MICAL3: variants seen among roughly 807,000 people sequenced by gnomAD.
MICAL3 encodes microtubule associated monooxygenase, calponin and LIM domain containing 3, also known as [F-actin]-monooxygenase MICAL3.
A neutral mutation model predicts 207.4 loss-of-function variants in MICAL3; 62 were observed. The ratio of observed to expected loss-of-function variants is 0.30; its 90% CI spans 0.24 to 0.37. The LOEUF is 0.37. Ranked by LOEUF, MICAL3 falls within the 10% of genes least tolerant of loss-of-function variation. The pLI, the probability that MICAL3 is intolerant of heterozygous loss-of-function variation, is 1.00. For missense variants in MICAL3, 2,368 were observed against 2,635.6 expected (o/e 0.90, Z 2.22); for synonymous variants, 1,077 against 1,069.3 (o/e 1.01, Z -0.14).
chr22:17,924,620 C>T (rs1413193222), intron 1 of MICAL3, among the ~76,000 whole-genome samples: 1 of 152,036 alleles, frequency 6.6e-6, no homozygotes, highest in African/African-American at 2.4e-5. Flanking sequence ...ATTCTAAAAC[C>T]TGAAAAAAAT....
At chr22:17,867,967 T>A (rs1413696093) in intron 17 of MICAL3, among the ~76,000 whole-genome samples, 1 of 152,246 alleles carries the variant, frequency 6.6e-6, no homozygotes, top group Non-Finnish European at 1.5e-5. Context: ...AACTGAATCC[T>A]CCTTGAACTC....
rs200631704 is a variant in MICAL3, at chr22:17,822,933, G to C, written c.3307+14C>G. ...TGAGCTCCCACCACAGGGGCGGGGA[G>C]GGCGGACCCCTACCATCATCCAGCT... is the stretch of plus-strand genomic sequence containing the variant. On this transcript the variant is annotated intron_variant, in intron 23 of 31. Coordinates refer to ENST00000441493, the MANE Select transcript of MICAL3 (RefSeq NM_015241.3). The C allele has an allele frequency of 3.2e-6, 5 of 1,561,514 alleles. No individual in the cohort carries two copies. In the African/African-American group the frequency reaches 6.8e-5, roughly 21 times the overall value.
chr22:17,949,527 C>G (rs1464806123), intron 1 of MICAL3, among the ~76,000 whole-genome samples: 1 of 152,196 alleles, frequency 6.6e-6, no homozygotes, highest in African/African-American at 2.4e-5. Flanking sequence ...GGTGCCTTAC[C>G]TGGTGGATTC....
chr22:17,872,976 G>A (rs1219673111), intron 16 of MICAL3: 2 of 697,220 alleles, frequency 2.9e-6, no homozygotes, highest in Non-Finnish European at 5.1e-6. Flanking sequence ...AATACAAGGT[G>A]CAGCAGCAAA....
intron 1 of MICAL3, among the ~76,000 whole-genome samples, chr22:17,941,242 C>T (rs1470568116): frequency 6.6e-6 from 1 of 152,190 alleles, no homozygotes; most frequent in African/African-American, 2.4e-5. Context: ...AGACCCCTGC[C>T]CAAAGAGATT....
rs560227104 is a variant in MICAL3, at chr22:17,789,652, C to A, written c.*1080G>T. 1 of 152,370 alleles carries A rather than the reference C, an allele frequency of 6.6e-6. No homozygotes were observed. The highest frequency in any genetic ancestry group is 1.5e-5 in the Non-Finnish European group (1 of 68,076). 9.4% of individuals were successfully genotyped at this position (152,370 alleles called of 1,614,324 possible). On this transcript the variant is annotated 3_prime_UTR_variant, in exon 32 of 32. Coordinates refer to ENST00000441493, the MANE Select transcript of MICAL3 (RefSeq NM_015241.3). Reference sequence around the variant, plus strand: ...CCTGATGCCAGCCAGGCCAGTGATACGAAGAGAAAGGCTAATAAATAGATG... The same window carrying A: ...CCTGATGCCAGCCAGGCCAGTGATAAGAAGAGAAAGGCTAATAAATAGATG...
intron 25 of MICAL3, among the ~76,000 whole-genome samples, 191 bp downstream of exon 25, chr22:17,821,236 G>A (rs1397655296): frequency 6.6e-6 from 1 of 151,968 alleles, no homozygotes; most frequent in Non-Finnish European, 1.5e-5. Flanking sequence ...GGCCACTCCT[G>A]TCATCAACAG....
intron 1 of MICAL3, among the ~76,000 whole-genome samples, chr22:18,018,941 C>T (rs748301021): frequency 2.2e-4 from 34 of 152,234 alleles, no homozygotes; most frequent in Non-Finnish European, 4.6e-4. Flanking sequence ...CCTATAATAC[C>T]AGTACTTTGG....
intron 16 of MICAL3, chr22:17,879,216 G>C: frequency 1.5e-6 from 1 of 674,830 alleles, no homozygotes. Context: ...CTCTTGGCTG[G>C]GTGACAAGAG....
chr22:18,010,742 AAAG>A (rs1486537437), intron 1 of MICAL3, among the ~76,000 whole-genome samples: 1 of 152,156 alleles, frequency 6.6e-6, no homozygotes, highest in Non-Finnish European at 1.5e-5. Flanking sequence ...GGAGGGTTAG[AAAG>A]AAGGAGAATT....
intron 16 of MICAL3, among the ~76,000 whole-genome samples, chr22:17,877,155 G>T (rs1928687272): frequency 4.9e-5 from 7 of 141,876 alleles, no homozygotes; most frequent in Non-Finnish European, 6.1e-5. Context: ...GGAGGTTAGG[G>T]AGGTTATGGA....
At chr22:17,867,919 T>A (rs1374016972) in intron 17 of MICAL3, among the ~76,000 whole-genome samples, 1 of 152,248 alleles carries the variant, frequency 6.6e-6, no homozygotes, top group Non-Finnish European at 1.5e-5. Flanking sequence ...TTTGCAAAAG[T>A]GGAAACCCAG....
rs535291657 is a variant in MICAL3 at position 18,018,002 on chromosome 22, G to A, written c.-75+6279C>T. On this transcript the variant is annotated intron_variant, in intron 1 of 31. Coordinates refer to ENST00000441493, the MANE Select transcript of MICAL3 (RefSeq NM_015241.3). ...CCTGACCTCGTGATCCACCTGCCTC[G>A]GCCTCCCACAGTGCTGGGATTACAG... Among the ~76,000 whole-genome samples the A allele has an allele frequency of 7.9e-5, 12 of 151,632 alleles. No individual in the cohort carries two copies. The East Asian group carries it at 9.8e-4, about 12-fold the overall frequency.
At chr22:17,919,471 C>T (rs1272896052) in intron 1 of MICAL3, among the ~76,000 whole-genome samples, 1 of 152,188 alleles carries the variant, frequency 6.6e-6, no homozygotes, top group Non-Finnish European at 1.5e-5. Context: ...AGTCCCTGGA[C>T]CACAACAGGT....
intron 1 of MICAL3, among the ~76,000 whole-genome samples, chr22:17,932,339 A>C (rs1181312052): frequency 6.6e-6 from 1 of 152,230 alleles, no homozygotes; most frequent in Admixed American, 6.5e-5. Flanking sequence ...TCTTAAAGAA[A>C]AGAATTTTCA....
rs1792977884 is a variant in MICAL3, at chr22:17,888,961, C to CT, written c.1891+72_1891+73insA. On this transcript the variant is annotated intron_variant, in intron 13 of 31. Coordinates refer to ENST00000441493, the MANE Select transcript of MICAL3 (RefSeq NM_015241.3). The stretch of plus-strand genomic sequence containing the variant: ...TTTGGTGGCACTGCTGCGGGACAGT[C>CT]GGAAGGAAGGAAGAACAGCCGGGCC... 81 of 1,074,986 alleles carry CT rather than the reference C, an allele frequency of 7.5e-5. No homozygotes were observed. In the South Asian group the frequency reaches 1.2e-3, roughly 16 times the overall value. The allele number at this position is 1,074,986 out of a possible 1,614,324, so 66.6% of individuals were successfully genotyped here.
At chr22:17,970,267 G>A (rs536527396) in intron 1 of MICAL3, among the ~76,000 whole-genome samples, 1 of 152,348 alleles carries the variant, frequency 6.6e-6, no homozygotes, top group South Asian at 2.1e-4. Flanking sequence ...TGGACGCCAG[G>A]TTCTAAATCT....
At chr22:17,913,010 G>A (rs1932237195) in intron 1 of MICAL3, among the ~76,000 whole-genome samples, 1 of 152,126 alleles carries the variant, frequency 6.6e-6, no homozygotes, top group Admixed American at 6.5e-5. Flanking sequence ...TCTATTCCTA[G>A]TCTGGTGAGT....
intron 19 of MICAL3, among the ~76,000 whole-genome samples, chr22:17,851,718 A>C (rs2044804307): frequency 6.6e-6 from 1 of 152,238 alleles, no homozygotes; most frequent in Admixed American, 6.5e-5. Context: ...CAAGTCTACC[A>C]AGACGGCAAG....
Sources: allele counts gnomAD v4.1 joint callset (sites outside exome capture counted in the v4.1 genomes callset), GRCh38; gene constraint gnomAD v4.1.1; transcripts MANE v1.5; gene names NCBI Gene and HGNC (gene_info 2026-07-23, HGNC 2026-07-21).